The following EPM2A variants were observed in gnomAD, a reference collection of about 807,000 sequenced individuals.
The protein encoded by EPM2A is EPM2A glucan phosphatase, laforin.
In EPM2A, 21 loss-of-function variants were observed where a neutral mutation model predicts 26.5. The observed-to-expected ratio is 0.79, with a 90% CI of 0.56 to 1.14. The LOEUF (loss-of-function observed/expected upper bound fraction) is 1.14, where lower values mean the gene tolerates loss of function less well. EPM2A is among the 50% of genes most tolerant of loss of function. EPM2A has a pLI of 0.00. For synonymous variants in EPM2A, 217 were observed against 177.6 expected (o/e 1.22, Z -1.76); for missense variants, 458 against 440.8 (o/e 1.04, Z -0.35).
rs576375905 is a variant in EPM2A, at chr6:145,604,296, T to C, written c.340+30949A>G. On this transcript the variant is annotated intron_variant, in intron 2 of 3. Coordinates refer to the EPM2A transcript ENST00000450221. Reference sequence around the variant, plus strand: ...ATGCCTGCTGGATAATATTACCATATACAAAGATCTGAAGGTTTCTTTCAG... The same window carrying C: ...ATGCCTGCTGGATAATATTACCATACACAAAGATCTGAAGGTTTCTTTCAG... Among the ~76,000 whole-genome samples the C allele has an allele frequency of 9.9e-5, 15 of 152,234 alleles. No homozygotes were observed. In the South Asian group the frequency reaches 3.1e-3, roughly 32 times the overall value.
chr6:145,636,695 G>A (rs116948014), intron 2 of EPM2A: 1,650 of 152,112 alleles, frequency 0.011, 13 homozygotes, highest in Admixed American at 0.018. Flanking sequence ...TGGCTGAGGC[G>A]GGGATTGCTT....
intron 2 of EPM2A, chr6:145,670,394 C>G (rs1779557167): frequency 6.6e-6 from 1 of 152,158 alleles, no homozygotes; most frequent in African/African-American, 2.4e-5. Flanking sequence ...AGCAGTCAAG[C>G]TCTCTCCTTT....
At chr6:145,669,592 T>C (rs564967636) in intron 2 of EPM2A, among the ~76,000 whole-genome samples, 16 of 152,316 alleles carry the variant, frequency 1.1e-4, no homozygotes, top group Admixed American at 9.2e-4. Flanking sequence ...ATAGATTTAA[T>C]TCTAGCACTG....
chr6:145,518,943 TGAGA>T (rs113264279), intron 2 of EPM2A, among the ~76,000 whole-genome samples: 68,141 of 151,646 alleles, frequency 0.45, 15,300 homozygotes, highest in South Asian at 0.58. Flanking sequence ...GGAGAAGCAG[TGAGA>T]GAGAAAGAGT....
intron 2 of EPM2A, among the ~76,000 whole-genome samples, chr6:145,667,459 A>T (rs9497388): frequency 0.58 from 81,170 of 139,828 alleles, 24,537 homozygotes; most frequent in East Asian, 0.73. Flanking sequence ...TCAAAACCAC[A>T]ATGAGATATT....
At position 145,428,098 on chromosome 6, in the gene EPM2A, G is replaced by A. The variant is rs376193451; in HGVS notation, c.556-44001C>T. 2.5e-3 allele frequency among the ~76,000 whole-genome samples: 151 copies of A among 61,216 alleles called. 2 individuals are homozygous for A. In the East Asian group the frequency reaches 0.047, roughly 19 times the overall value. The allele number at this position is 61,216 out of a possible 152,430, so 40.2% of individuals were successfully genotyped here. A position where few individuals can be genotyped will look rare whatever the true frequency, so the allele number is the denominator to read the frequency against. On this transcript the variant is annotated intron_variant, in intron 4 of 4. Coordinates refer to the EPM2A transcript ENST00000638717. ...TAGTTTTTTTTTTTTTTTTTTGGCT[G>A]TTGTTGCTGCTGTTCAATTTTATTT...
chr6:145,714,757 T>C (rs1775524573), intron 1 of EPM2A, among the ~76,000 whole-genome samples: 1 of 152,134 alleles, frequency 6.6e-6, no homozygotes, highest in Admixed American at 6.5e-5. Context: ...AACTCCACCT[T>C]CTAAAGCCAT....
intron 4 of EPM2A, among the ~76,000 whole-genome samples, chr6:145,397,872 A>T (rs1778426390): frequency 1.3e-5 from 2 of 152,174 alleles, no homozygotes; most frequent in Admixed American, 1.3e-4. Context: ...ATCAAACCCT[A>T]GTACTTAGGC....
intron 2 of EPM2A, chr6:145,640,829 A>G (rs1380736688): frequency 6.6e-6 from 1 of 152,192 alleles, no homozygotes; most frequent in Non-Finnish European, 1.5e-5. Flanking sequence ...TTTGTCCTCT[A>G]GCATCCAGTG....
intron 4 of EPM2A, among the ~76,000 whole-genome samples, chr6:145,411,179 G>A (rs1402226257): frequency 6.6e-6 from 1 of 152,104 alleles, no homozygotes; most frequent in African/African-American, 2.4e-5. Flanking sequence ...TTGAAACAGA[G>A]GTCAAAAGGA....
At chr6:145,418,334 T>C (rs1415228001) in intron 4 of EPM2A, among the ~76,000 whole-genome samples, 4 of 152,234 alleles carry the variant, frequency 2.6e-5, no homozygotes, top group African/African-American at 9.6e-5. Context: ...TTTTCTTTTC[T>C]GCAAAGCTTC....
intron 4 of EPM2A, among the ~76,000 whole-genome samples, chr6:145,404,279 T>C (rs1052170262): frequency 2.0e-5 from 3 of 152,268 alleles, no homozygotes; most frequent in Admixed American, 6.5e-5. Context: ...TATTTTCATA[T>C]GTTTTTAAAC....
At chr6:145,577,673 G>T (rs1050454720) in intron 2 of EPM2A, among the ~76,000 whole-genome samples, 1 of 151,716 alleles carries the variant, frequency 6.6e-6, no homozygotes, top group Non-Finnish European at 1.5e-5. Flanking sequence ...GAAACCTCAG[G>T]CTTCATCTGT....
At chr6:145,735,654 A>C (rs935978071), upstream of EPM2A, 50 of 1,081,866 alleles carry the variant, frequency 4.6e-5, 1 homozygote, top group African/African-American at 7.4e-4. Context: ...GGGATGCATC[A>C]CGCGGCTCCC....
In EPM2A at chr6:145,626,130, C is replaced by T. The variant is rs2128555097; in HGVS notation, c.*1286G>A. 1 of 1,027,828 alleles carries T rather than the reference C, an allele frequency of 9.7e-7. No individual in the cohort carries two copies. The highest frequency in any genetic ancestry group is 1.7e-5 in the African/African-American group (1 of 58,834). 63.7% of individuals were successfully genotyped at this position (1,027,828 alleles called of 1,614,324 possible). ...ACATAGAGGCTCTCAATTAAAAAAA[C>T]ACTTCTCTTTCTTCTATTCTAGCAT... On this transcript the variant is annotated 3_prime_UTR_variant, in exon 4 of 4. Coordinates refer to ENST00000367519, the MANE Select transcript of EPM2A (RefSeq NM_005670.4).
intron 4 of EPM2A, among the ~76,000 whole-genome samples, chr6:145,434,275 T>C (rs895580944): frequency 3.4e-4 from 51 of 151,882 alleles, no homozygotes; most frequent in Admixed American, 5.9e-4. Flanking sequence ...TCTTTTTTTT[T>C]TTTTAGACAG....
At chr6:145,486,595 C>CT (rs1562354015) in intron 4 of EPM2A, among the ~76,000 whole-genome samples, 1 of 151,942 alleles carries the variant, frequency 6.6e-6, no homozygotes, top group Non-Finnish European at 1.5e-5. Flanking sequence ...CTACTTCTCC[C>CT]TTTTTTCTCC....
intron 1 of EPM2A, among the ~76,000 whole-genome samples, chr6:145,701,921 A>T (rs77973979): frequency 6.6e-6 from 1 of 152,318 alleles, no homozygotes; most frequent in Middle Eastern, 3.4e-3. Flanking sequence ...ACACAAAAAA[A>T]GCGAGCAAGA....
At chr6:145,643,872 A>G (rs1268973257) in intron 2 of EPM2A, among the ~76,000 whole-genome samples, 1 of 152,086 alleles carries the variant, frequency 6.6e-6, no homozygotes, top group Non-Finnish European at 1.5e-5. Context: ...GGATAGGTGT[A>G]TGATTATTAT....
Sources: gnomAD v4.1 joint callset for allele counts (sites outside exome capture counted in the v4.1 genomes callset) on GRCh38, gnomAD v4.1.1 for gene constraint, MANE v1.5 for transcripts, NCBI Gene and HGNC (gene_info 2026-07-23, HGNC 2026-07-21) for gene names.